Variants in RSBN1L observed in about 807,000 individuals in gnomAD.
RSBN1L encodes the protein lysine-specific demethylase RSBN1L.
RSBN1L carries 30 observed loss-of-function variants against 67.7 expected under a neutral mutation model. The ratio of observed to expected loss-of-function variants is 0.44; its 90% CI spans 0.33 to 0.60. The LOEUF is 0.60. Among genes scored for constraint, RSBN1L ranks in the 20% least tolerant of loss-of-function variants. The pLI is 0.02. For synonymous variants in RSBN1L, 433 were observed against 387.0 expected (o/e 1.12, Z -1.39); for missense variants, 992 against 1,031.7 (o/e 0.96, Z 0.53).
chr7:77,755,342 A>G (rs924029984), intron 3 of RSBN1L, among the ~76,000 whole-genome samples: 4 of 152,178 alleles, frequency 2.6e-5, no homozygotes, highest in Admixed American at 2.6e-4. Context: ...GTAAGTCAAA[A>G]ATATTTTTAA....
chr7:77,715,866 G>A (rs1337515938), intron 1 of RSBN1L, among the ~76,000 whole-genome samples: 4 of 152,246 alleles, frequency 2.6e-5, no homozygotes, highest in East Asian at 3.9e-4. Context: ...TAGTGATGTT[G>A]AGCATCTTTT....
At chr7:77,750,583 C>T (rs955589331) in intron 3 of RSBN1L, among the ~76,000 whole-genome samples, 3 of 151,986 alleles carry the variant, frequency 2.0e-5, no homozygotes, top group African/African-American at 7.3e-5. Flanking sequence ...TCATTTCCTA[C>T]CCTTCTCTAT....
At chr7:77,735,965 T>A (rs1791330902) in intron 1 of RSBN1L, among the ~76,000 whole-genome samples, 1 of 152,100 alleles carries the variant, frequency 6.6e-6, no homozygotes, top group African/African-American at 2.4e-5. Flanking sequence ...TTTTTTCATT[T>A]AGTCCTTATA....
intron 1 of RSBN1L, among the ~76,000 whole-genome samples, chr7:77,704,508 G>C (rs1034865462): frequency 6.6e-6 from 1 of 152,106 alleles, no homozygotes; most frequent in East Asian, 1.9e-4. Flanking sequence ...AGTATACATT[G>C]AATTCTGGGT....
intron 3 of RSBN1L, among the ~76,000 whole-genome samples, chr7:77,760,436 A>G (rs1368167473): frequency 6.6e-6 from 1 of 152,134 alleles, no homozygotes; most frequent in Non-Finnish European, 1.5e-5. Context: ...GGAGATTTAG[A>G]TTAAATATGT....
chr7:77,716,051 C>T (rs1562795671), intron 1 of RSBN1L, among the ~76,000 whole-genome samples: 1 of 152,120 alleles, frequency 6.6e-6, no homozygotes, highest in Non-Finnish European at 1.5e-5. Context: ...TTTTCTTTCT[C>T]TTAATACTTT....
At chr7:77,753,672 A>G (rs1354649341) in intron 3 of RSBN1L, among the ~76,000 whole-genome samples, 6 of 152,214 alleles carry the variant, frequency 3.9e-5, no homozygotes, top group Non-Finnish European at 7.3e-5. Flanking sequence ...TCTGTTTTAG[A>G]AATCTTTGCC....
In RSBN1L at chr7:77,773,717, C is replaced by A. The variant is rs548906803; in HGVS notation, c.1793+403C>A. Among the ~76,000 whole-genome samples the A allele has an allele frequency of 3.3e-5, 5 of 152,270 alleles. No individual in the cohort carries two copies. The South Asian group carries it at 1.0e-3, about 32-fold the overall frequency. On this transcript the variant is annotated intron_variant, in intron 6 of 7. Coordinates refer to ENST00000334955, the MANE Select transcript of RSBN1L (RefSeq NM_198467.3). ...GGCTGAGGGTGCAGTGAGCCGAGAT[C>A]GCGCCACTGCACTCCAGCCTGGGTG... is the stretch of plus-strand genomic sequence containing the variant.
At chr7:77,733,045 G>C (rs1791291151) in intron 1 of RSBN1L, among the ~76,000 whole-genome samples, 1 of 152,156 alleles carries the variant, frequency 6.6e-6, no homozygotes, top group Non-Finnish European at 1.5e-5. Flanking sequence ...TGCAATCTGA[G>C]CATTTTGAGG....
At chr7:77,766,189 G>C (rs1032922699) in intron 4 of RSBN1L, among the ~76,000 whole-genome samples, 6 of 152,056 alleles carry the variant, frequency 3.9e-5, no homozygotes, top group African/African-American at 1.2e-4. Context: ...GTAGCCAAAG[G>C]CCCCTCTATT....
At chr7:77,777,145 A>G (rs1348268458) in intron 6 of RSBN1L, among the ~76,000 whole-genome samples, 1 of 151,844 alleles carries the variant, frequency 6.6e-6, no homozygotes, top group Non-Finnish European at 1.5e-5. Context: ...GAACCTTTCA[A>G]TAGTATACTT....
Position 77,780,268 on chromosome 7 carries a change from T to C in RSBN1L, c.*1100T>C, listed in dbSNP as rs1407580061. 2 of 152,192 alleles carry C rather than the reference T, an allele frequency of 1.3e-5. No homozygotes were observed. Among genetic ancestry groups the C allele is most frequent in the Non-Finnish European group, 2.9e-5 (2 of 68,040 alleles). 9.4% of individuals were successfully genotyped at this position (152,192 alleles called of 1,614,324 possible). On this transcript the variant is annotated 3_prime_UTR_variant, in exon 8 of 8. Transcript: ENST00000334955. ...GCTGAATAAGATCAATATGTGAAAT[T>C]CCTTAGCCCTTCTCCCCAAAATACA...
At chr7:77,712,111 AAT>A (rs1269595502) in intron 1 of RSBN1L, among the ~76,000 whole-genome samples, 10 of 152,136 alleles carry the variant, frequency 6.6e-5, no homozygotes, top group Admixed American at 3.3e-4. Flanking sequence ...TAATTATAAT[AAT>A]ATATGTTCAT....
chr7:77,711,976 A>G (rs1200261001), intron 1 of RSBN1L, among the ~76,000 whole-genome samples: 1 of 152,194 alleles, frequency 6.6e-6, no homozygotes, highest in Non-Finnish European at 1.5e-5. Flanking sequence ...TGTGAGGGTA[A>G]GGGTCTTCAT....
chr7:77,777,642 T>C lies in RSBN1L; in HGVS notation c.1794-696T>C, dbSNP rs140232129. On this transcript the variant is annotated intron_variant, in intron 6 of 7. Coordinates refer to ENST00000334955, the MANE Select transcript of RSBN1L (RefSeq NM_198467.3). ...TAATGTATTACATGATTCTCAGATTTTCTCTTTTATCACTGGTTTTTAGAA... is the reference window on the plus strand; with the variant it reads ...TAATGTATTACATGATTCTCAGATTCTCTCTTTTATCACTGGTTTTTAGAA... Among the ~76,000 whole-genome samples, 188 of 152,256 alleles carry C rather than the reference T, an allele frequency of 1.2e-3. 4 individuals are homozygous for C. In the East Asian group the frequency reaches 0.034, roughly 28 times the overall value.
chr7:77,709,628 A>C (rs1790946692), intron 1 of RSBN1L, among the ~76,000 whole-genome samples: 1 of 152,104 alleles, frequency 6.6e-6, no homozygotes, highest in South Asian at 2.1e-4. Flanking sequence ...ATAATCTAGA[A>C]TCCTTCTTAG....
chr7:77,734,663 A>G (rs1044286132), intron 1 of RSBN1L, among the ~76,000 whole-genome samples: 7 of 151,970 alleles, frequency 4.6e-5, no homozygotes, highest in African/African-American at 1.2e-4. Flanking sequence ...TAATTTTTGT[A>G]TTTTTAGTAT....
intron 5 of RSBN1L, among the ~76,000 whole-genome samples, chr7:77,769,549 T>G (rs147252775): frequency 1.3e-5 from 2 of 152,326 alleles, no homozygotes; most frequent in African/African-American, 2.4e-5. Context: ...TGTTTAAGCC[T>G]GGAGGAGACC....
At chr7:77,699,868 C>T (rs1345025420) in intron 1 of RSBN1L, among the ~76,000 whole-genome samples, 1 of 151,436 alleles carries the variant, frequency 6.6e-6, no homozygotes. Flanking sequence ...GCGATCTCGG[C>T]TCGCTGCAAC....
Sources: allele counts gnomAD v4.1 joint callset (sites outside exome capture counted in the v4.1 genomes callset), GRCh38; gene constraint gnomAD v4.1.1; transcripts MANE v1.5; gene names NCBI Gene and HGNC (gene_info 2026-07-23, HGNC 2026-07-21).